DCAF1: variants seen among roughly 807,000 people sequenced by gnomAD.
DCAF1 encodes DDB1 and CUL4 associated factor 1.
DCAF1 carries 15 observed loss-of-function variants against 128.0 expected under a neutral mutation model. The observed-to-expected ratio is 0.12, with a 90% CI of 0.08 to 0.18. The LOEUF is 0.18. Ranked by LOEUF, DCAF1 falls within the 10% of genes least tolerant of loss-of-function variation. The pLI is 1.00. For synonymous variants in DCAF1, 610 were observed against 603.0 expected (o/e 1.01, Z -0.17); for missense variants, 988 against 1,649.5 (o/e 0.60, Z 6.95).
Position 51,420,032 on chromosome 3 carries a change from C to T in DCAF1, c.2938G>A (p.Asp980Asn). The T allele has an allele frequency of 6.2e-7, 1 of 1,613,962 alleles. No individual in the cohort carries two copies. Among genetic ancestry groups the T allele is most frequent in the Non-Finnish European group, 8.5e-7 (1 of 1,179,892 alleles). ...RKIRVLRQKS[D>N]HGAYSQSPAI... The stretch of plus-strand genomic sequence containing the variant: ...GGGCTTTGGCTGTAGGCACCATGGT[C>T]CGACTTCTGCCGCAACACTCTGATT... The change falls in exon 15 of 25, where the codon GAC becomes AAC. Residue 980 changes from aspartate to asparagine, a missense_variant. This residue lies in a region of DCAF1 where 105 missense variants were observed against 266.7 expected (regional missense o/e 0.39). Coordinates refer to ENST00000684031, the MANE Select transcript of DCAF1 (RefSeq NM_001387579.1). This position sits in a 1 kb window ranked among gnomAD's most constrained non-coding sequence, Gnocchi z 6.5.
chr3:51,415,101 C>T (rs531260903), intron 18 of DCAF1, among the ~76,000 whole-genome samples: 1 of 152,216 alleles, frequency 6.6e-6, no homozygotes, highest in Non-Finnish European at 1.5e-5. Flanking sequence ...TGATTTCCTT[C>T]CCAAGTTCCT....
intron 2 of DCAF1, among the ~76,000 whole-genome samples, chr3:51,484,388 A>C (rs1706661369): frequency 6.6e-6 from 1 of 151,694 alleles, no homozygotes; most frequent in Non-Finnish European, 1.5e-5. Flanking sequence ...CAGGAGAATC[A>C]CTTGAACCTG....
At chr3:51,422,835 GGGAGGATCACTTGAACCCA>G (rs1366872469) in intron 13 of DCAF1, among the ~76,000 whole-genome samples, 2 of 152,094 alleles carry the variant, frequency 1.3e-5, no homozygotes, top group Non-Finnish European at 2.9e-5. Context: ...AGGCCAAGGT[GGGAGGATCACTTGAACCCA>G]GGAGTTTGAG....
intron 2 of DCAF1, among the ~76,000 whole-genome samples, chr3:51,485,747 A>T (rs1706859045): frequency 1.3e-5 from 2 of 152,266 alleles, no homozygotes; most frequent in South Asian, 4.1e-4. Flanking sequence ...GCATTGTATT[A>T]TAAAATGCAA....
intron 9 of DCAF1, among the ~76,000 whole-genome samples, chr3:51,435,624 T>A (rs1319966849): frequency 6.6e-6 from 1 of 150,988 alleles, no homozygotes; most frequent in Non-Finnish European, 1.5e-5. Flanking sequence ...AGCAGAATAA[T>A]CACTTGAACC....
intron 23 of DCAF1, among the ~76,000 whole-genome samples, chr3:51,409,022 T>C (rs974828028): frequency 6.6e-6 from 1 of 152,178 alleles, no homozygotes; most frequent in African/African-American, 2.4e-5. Flanking sequence ...AGAGCCCTCT[T>C]GACCCTGCCC....
chr3:51,413,413 C>T (rs1698604295), intron 20 of DCAF1, 27 bp from the exon 21 acceptor site: 3 of 1,597,820 alleles, frequency 1.9e-6, no homozygotes, highest in Non-Finnish European at 2.6e-6. Flanking sequence ...GGAGGAAACA[C>T]TATTAGGAAT....
At chr3:51,505,049 G>A in the DCAF1 span, among the ~76,000 whole-genome samples, 3 of 152,068 alleles carry the variant, frequency 2.0e-5, no homozygotes, top group Non-Finnish European at 2.9e-5. Context: ...ATCACCTGAG[G>A]TCGAGAGTTC....
chr3:51,442,823 T>C (rs1701486294), intron 7 of DCAF1, among the ~76,000 whole-genome samples: 1 of 151,998 alleles, frequency 6.6e-6, no homozygotes, highest in Admixed American at 6.6e-5. Context: ...AGCAAACTAA[T>C]ACAGGAAAAG....
intron 24 of DCAF1, among the ~76,000 whole-genome samples, chr3:51,399,490 C>T (rs1256567675): frequency 6.6e-6 from 1 of 152,320 alleles, no homozygotes; most frequent in Non-Finnish European, 1.5e-5. Flanking sequence ...AGCAGTGTGA[C>T]GCCCTGGAAG....
At position 51,413,048 on chromosome 3, in the gene DCAF1, C is replaced by T. The variant is rs1264819709; in HGVS notation, c.4055G>A (p.Arg1352Gln). Residue 1352 changes from arginine (R) to glutamine (Q), a missense_variant, in exon 22 of 25, where the codon CGG becomes CAG. Transcript: ENST00000684031. Reference protein sequence around the residue: ...YKPIATIDVKRNIFDLCTDTK... With the variant: ...YKPIATIDVKQNIFDLCTDTK... ...GTCTGTACACAGGTCAAAGATGTTC[C>T]GTTTCACATCAATGGTTGCTGGAAA... is the stretch of plus-strand genomic sequence containing the variant. 6.2e-7 allele frequency: 1 copy of T among 1,613,818 alleles called. No homozygotes were observed. Among genetic ancestry groups the T allele is most frequent in the Non-Finnish European group, 8.5e-7 (1 of 1,179,874 alleles).
intron 3 of DCAF1, among the ~76,000 whole-genome samples, chr3:51,477,880 C>T (rs1350538552): frequency 6.6e-6 from 1 of 152,076 alleles, no homozygotes; most frequent in African/African-American, 2.4e-5. Context: ...TTAATATTTA[C>T]AAACCTTCCC....
chr3:51,486,794 C>T (rs1354097874), intron 2 of DCAF1, among the ~76,000 whole-genome samples: 21 of 151,628 alleles, frequency 1.4e-4, no homozygotes, highest in African/African-American at 3.9e-4. Context: ...CCAGCATGCC[C>T]GGCTAATTTT....
In DCAF1 at chr3:51,420,510, T is replaced by C. The variant is rs1699300452; in HGVS notation, c.2460A>G (p.Pro820=). 2 of 1,613,770 alleles carry C rather than the reference T, an allele frequency of 1.2e-6. No homozygotes were observed. The highest frequency in any genetic ancestry group is 2.7e-5 in the African/African-American group (2 of 74,922). Residue 820 remains proline (P), a synonymous_variant, in exon 15 of 25, where the codon CCA becomes CCG. Coordinates refer to ENST00000684031, the MANE Select transcript of DCAF1 (RefSeq NM_001387579.1). The surrounding 1 kb of genome is among the most constrained non-coding windows in gnomAD (Gnocchi z 6.5). ...AELIERVSGK[P]LLIGTDVSLA... ...GGGAAACATCAGTGCCAATGAGAAG[T>C]GGTTTTCCTGACACCCGTTCAATGA...
chr3:51,475,557 A>C (rs1459412147), intron 3 of DCAF1, among the ~76,000 whole-genome samples: 1 of 152,134 alleles, frequency 6.6e-6, no homozygotes, highest in Non-Finnish European at 1.5e-5. Flanking sequence ...GCAGTAAGCT[A>C]TGATAAAACT....
At chr3:51,466,066 T>G (rs1252911229) in intron 5 of DCAF1, among the ~76,000 whole-genome samples, 2 of 151,896 alleles carry the variant, frequency 1.3e-5, no homozygotes, top group Non-Finnish European at 2.9e-5. Context: ...GCAGGTGTGG[T>G]TGGCAGGCAC....
chr3:51,463,752 G>T (rs1281804834), intron 5 of DCAF1, among the ~76,000 whole-genome samples: 1 of 151,928 alleles, frequency 6.6e-6, no homozygotes, highest in East Asian at 1.9e-4. Flanking sequence ...CTGCACTCAG[G>T]CCTGGGCAAC....
chr3:51,500,114 G>C (rs1553663615), upstream of DCAF1: 2 of 71,776 alleles, frequency 2.8e-5, no homozygotes, highest in Admixed American at 1.6e-4. Context: ...TGCACGATCG[G>C]GGAAAAAAAA....
intron 2 of DCAF1, among the ~76,000 whole-genome samples, chr3:51,490,451 A>C (rs574867103): frequency 6.6e-6 from 1 of 152,292 alleles, no homozygotes; most frequent in South Asian, 2.1e-4. Context: ...AAAAAGGCAC[A>C]AACACAAGAC....
Sources: allele counts gnomAD v4.1 joint callset (sites outside exome capture counted in the v4.1 genomes callset), GRCh38; gene constraint gnomAD v4.1.1; regional missense constraint gnomAD v4.1.1; non-coding constraint Gnocchi (gnomAD v3.1); transcripts MANE v1.5; gene names NCBI Gene and HGNC (gene_info 2026-07-23, HGNC 2026-07-21).